Variants in ANK2 observed in about 807,000 individuals in gnomAD.
ANK2 encodes ankyrin 2.
ANK2 carries 83 observed loss-of-function variants against 360.5 expected under a neutral mutation model. The observed-to-expected ratio is 0.23, with a 90% CI of 0.19 to 0.28. The LOEUF (loss-of-function observed/expected upper bound fraction) is 0.28, where lower values mean the gene tolerates loss of function less well. Among genes scored for constraint, ANK2 ranks in the 10% least tolerant of loss-of-function variants. The pLI is 1.00. For missense variants in ANK2, 4,201 were observed against 4,795.7 expected, an observed-to-expected ratio of 0.88 and a Z score of 3.66; for synonymous variants, 1,740 against 1,759.5, an observed-to-expected ratio of 0.99 and a Z score of 0.28.
chr4:112,809,217 A>G, the ANK2 span, among the ~76,000 whole-genome samples: 1 of 151,056 alleles, frequency 6.6e-6, no homozygotes, highest in East Asian at 2.0e-4. Flanking sequence ...AAGACAAAAC[A>G]CTTCAAAAAA....
At chr4:113,371,188 C>T (rs2096726502) in intron 43 of ANK2, among the ~76,000 whole-genome samples, 1 of 152,084 alleles carries the variant, frequency 6.6e-6, no homozygotes, top group Admixed American at 6.5e-5. Context: ...GCTTAAGACA[C>T]ACATTTGTTT....
intron 5 of ANK2, 144 bp downstream of exon 5, chr4:113,232,403 A>T: frequency 1.5e-6 from 1 of 688,446 alleles, no homozygotes; most frequent in Non-Finnish European, 2.6e-6. Context: ...AGTGGCTGTG[A>T]ACAAATGACT....
intron 1 of ANK2, among the ~76,000 whole-genome samples, chr4:112,896,357 T>G (rs2081735300): frequency 6.6e-6 from 1 of 152,198 alleles, no homozygotes; most frequent in African/African-American, 2.4e-5. Context: ...AGTGTAAACA[T>G]GAATTACTCC....
In ANK2 at chr4:113,277,826, C is replaced by T. The variant is rs1237531469; in HGVS notation, c.1684-11C>T. On this transcript the variant is annotated splice_polypyrimidine_tract_variant and intron_variant, in intron 15 of 45. Transcript: ENST00000357077. ...TAAATACGATTTTACTTTTGTTTCT[C>T]ACATTTTCAGAAGGGTTTTACTCCC... 6.2e-7 allele frequency: 1 copy of T among 1,602,034 alleles called. No homozygotes were observed. The highest frequency in any genetic ancestry group is 1.3e-5 in the African/African-American group (1 of 74,786).
intron 1 of ANK2, among the ~76,000 whole-genome samples, chr4:113,108,853 G>T (rs892931251): frequency 6.6e-6 from 1 of 152,076 alleles, no homozygotes; most frequent in Non-Finnish European, 1.5e-5. Context: ...CTTTTAATTT[G>T]TGAGAAAAAT....
At chr4:113,363,572 A>T in intron 40 of ANK2, 103 bp downstream of exon 40, 3 of 1,264,490 alleles carry the variant, frequency 2.4e-6, no homozygotes, top group Admixed American at 1.7e-5. Flanking sequence ...AAATGCCATT[A>T]ATCTGCAGTA....
chr4:112,746,313 T>C, the ANK2 span, among the ~76,000 whole-genome samples: 2 of 152,164 alleles, frequency 1.3e-5, no homozygotes, highest in East Asian at 3.9e-4. Context: ...TGCTTACATA[T>C]GATACAAACA....
chr4:112,799,761 G>A, the ANK2 span, among the ~76,000 whole-genome samples: 71 of 149,934 alleles, frequency 4.7e-4, no homozygotes, highest in African/African-American at 1.7e-3. Flanking sequence ...CAGGTGATCC[G>A]CCCGCCTCAG....
At chr4:113,024,174 C>T (rs1357101363) in intron 2 of ANK2, among the ~76,000 whole-genome samples, 1 of 152,002 alleles carries the variant, frequency 6.6e-6, no homozygotes, top group African/African-American at 2.4e-5. Flanking sequence ...AGATAAATTC[C>T]TTAGTTTGTT....
intron 1 of ANK2, among the ~76,000 whole-genome samples, chr4:113,105,214 G>A (rs2093462937): frequency 6.6e-6 from 1 of 152,148 alleles, no homozygotes; most frequent in African/African-American, 2.4e-5. Context: ...ATTATAATTA[G>A]ACATCAAAGT....
At chr4:113,241,620 A>G (rs1029030453) in intron 8 of ANK2, among the ~76,000 whole-genome samples, 2 of 152,212 alleles carry the variant, frequency 1.3e-5, no homozygotes, top group African/African-American at 4.8e-5. Context: ...AATTACAGAC[A>G]TGAGCCACCA....
intron 1 of ANK2, among the ~76,000 whole-genome samples, chr4:112,830,525 G>A (rs1373671929): frequency 6.6e-6 from 1 of 152,232 alleles, no homozygotes; most frequent in Admixed American, 6.5e-5. Flanking sequence ...TGGGAGGAGA[G>A]TGAAGATTGG....
chr4:112,713,921 G>C, the ANK2 span, among the ~76,000 whole-genome samples: 1 of 139,258 alleles, frequency 7.2e-6, no homozygotes. Context: ...GCGACAGAGC[G>C]AGACTCCGTC....
At chr4:112,934,880 T>C (rs901611156) in intron 2 of ANK2, among the ~76,000 whole-genome samples, 1 of 152,154 alleles carries the variant, frequency 6.6e-6, no homozygotes, top group Admixed American at 6.5e-5. Flanking sequence ...GAGGAGGGGA[T>C]GTTCTTTATA....
At chr4:113,372,468 A>G in intron 43 of ANK2, 2 of 1,031,328 alleles carry the variant, frequency 1.9e-6, no homozygotes, top group Non-Finnish European at 2.9e-6. Context: ...AAGCTAAAGA[A>G]GAAACCAGTA....
At position 113,381,748 on chromosome 4, in the gene ANK2, T is replaced by A. The variant is rs544287872; in HGVS notation, c.*277T>A. On this transcript the variant is annotated 3_prime_UTR_variant, in exon 46 of 46. Coordinates refer to ENST00000357077, the MANE Select transcript of ANK2 (RefSeq NM_001148.6). ...GCCTAATTAATGGGATACCCCGACA[T>A]TTCCACTGTTAGCAAATATACGGCA... The A allele has an allele frequency of 2.6e-5, 31 of 1,178,304 alleles. No homozygotes were observed. In the East Asian group the frequency reaches 6.9e-4, roughly 26 times the overall value. 73.0% of individuals were successfully genotyped at this position (1,178,304 alleles called of 1,614,324 possible).
chr4:112,767,815 A>C, the ANK2 span, among the ~76,000 whole-genome samples: 1 of 152,182 alleles, frequency 6.6e-6, no homozygotes, highest in African/African-American at 2.4e-5. Flanking sequence ...TTAACTTAAA[A>C]AGGACTTAAT....
chr4:113,117,399 G>A lies in ANK2; in HGVS notation c.85-57017G>A, dbSNP rs995000795. On this transcript the variant is annotated intron_variant, in intron 1 of 45. Transcript: ENST00000357077. ...AAACAACGGAAAATCCCCAGAGAAC[G>A]TATGGAACGAAAAAGAAAGGTATGA... The A allele has an allele frequency of 6.6e-6, 3 of 456,202 alleles. No homozygotes were observed. The highest frequency in any genetic ancestry group is 1.3e-5 in the Non-Finnish European group (3 of 226,938). The allele number at this position is 456,202 out of a possible 1,614,324, so 28.3% of individuals were successfully genotyped here.
chr4:113,160,887 G>T (rs946775067), intron 1 of ANK2, among the ~76,000 whole-genome samples: 1 of 152,214 alleles, frequency 6.6e-6, no homozygotes, highest in Non-Finnish European at 1.5e-5. Flanking sequence ...GGTCAAACTT[G>T]AGGGTAGATT....
Sources: allele counts gnomAD v4.1 joint callset (sites outside exome capture counted in the v4.1 genomes callset), GRCh38; gene constraint gnomAD v4.1.1; transcripts MANE v1.5; gene names NCBI Gene and HGNC (gene_info 2026-07-23, HGNC 2026-07-21).